The following CPNE3 variants were observed in gnomAD, a reference collection of about 807,000 sequenced individuals.
CPNE3 encodes the protein copine-3.
Under a neutral mutation model 63.9 loss-of-function variants are expected in CPNE3, and 68 were observed. The observed-to-expected ratio is 1.06, with a 90% CI of 0.87 to 1.30. The LOEUF (loss-of-function observed/expected upper bound fraction) is 1.30, where lower values mean the gene tolerates loss of function less well. CPNE3 is among the 50% of genes most tolerant of loss of function. The pLI is 0.00. For missense variants in CPNE3, 665 were observed against 578.1 expected, an observed-to-expected ratio of 1.15 and a Z score of -1.54; for synonymous variants, 219 against 197.5, an observed-to-expected ratio of 1.11 and a Z score of -0.91.
At chr8:86,540,146 C>T (rs897046370) in intron 7 of CPNE3, 99 bp from the exon 8 acceptor site, 38 of 724,012 alleles carry the variant, frequency 5.2e-5, no homozygotes, top group African/African-American at 4.3e-4. Flanking sequence ...AGGTGGAGGA[C>T]GAATGGTGAG....
Position 86,535,320 on chromosome 8 carries a change from CT to C in CPNE3, c.460-2229del, listed in dbSNP as rs59696136. On this transcript the variant is annotated intron_variant, in intron 6 of 16. Transcript: ENST00000517490. ...TTTCAGTGGACAGATACAGAAAAGA[CT>C]TTTTTTTTTTTTTAAGAAAAACTAA... is the stretch of plus-strand genomic sequence containing the variant. 1.3e-3 allele frequency among the ~76,000 whole-genome samples: 182 copies of C among 142,598 alleles called. 2 individuals carry two copies. Among genetic ancestry groups the C allele is most frequent in the Middle Eastern group, 7.1e-3 (2 of 280 alleles). 93.5% of individuals were successfully genotyped at this position (142,598 alleles called of 152,430 possible). A position where few individuals can be genotyped will look rare whatever the true frequency, so the allele number is the denominator to read the frequency against.
intron 2 of CPNE3, among the ~76,000 whole-genome samples, chr8:86,525,626 A>G (rs1820525720): frequency 6.6e-6 from 1 of 152,194 alleles, no homozygotes; most frequent in African/African-American, 2.4e-5. Flanking sequence ...TTGTATAAGC[A>G]TTTTTAGGGA....
At chr8:86,531,286 G>A (rs374191824) in intron 5 of CPNE3, 57 bp downstream of exon 5, 218 of 822,140 alleles carry the variant, frequency 2.7e-4, no homozygotes, top group Non-Finnish European at 3.9e-4. Flanking sequence ...AGGACATGCC[G>A]AAACTGTCCA....
rs2131513154 is a variant in CPNE3, at chr8:86,559,376, C to T, written c.*966C>T. ...TTACTAAAAAAAAATTTTATACTTTCCTTGCTAAGGTCCCATATATTGATT... is the reference window on the plus strand; with the variant it reads ...TTACTAAAAAAAAATTTTATACTTTTCTTGCTAAGGTCCCATATATTGATT... On this transcript the variant is annotated 3_prime_UTR_variant, in exon 17 of 17. Coordinates refer to ENST00000517490, the MANE Select transcript of CPNE3 (RefSeq NM_003909.5). The T allele has an allele frequency of 6.6e-6, 1 of 152,262 alleles. No homozygotes were observed. The highest frequency in any genetic ancestry group is 1.5e-5 in the Non-Finnish European group (1 of 68,002). 9.4% of individuals were successfully genotyped at this position (152,262 alleles called of 1,614,324 possible).
At chr8:86,534,553 G>A (rs1820760206) in intron 6 of CPNE3, among the ~76,000 whole-genome samples, 1 of 152,160 alleles carries the variant, frequency 6.6e-6, no homozygotes, top group African/African-American at 2.4e-5. Flanking sequence ...CTACTTGGGA[G>A]GCTGAGGCAG....
At chr8:86,537,159 C>G (rs773573264) in intron 6 of CPNE3, among the ~76,000 whole-genome samples, 5 of 152,166 alleles carry the variant, frequency 3.3e-5, no homozygotes, top group African/African-American at 1.2e-4. Flanking sequence ...CATTTTCTCA[C>G]TGATAACTGC....
chr8:86,544,852 T>C lies in CPNE3; in HGVS notation c.732+14T>C. Reference sequence around the variant, plus strand: ...AGAAGCTCACCTGTAAGTTACATCCTTGCATTTGCATATACTTTATAGTTT... The same window carrying C: ...AGAAGCTCACCTGTAAGTTACATCCCTGCATTTGCATATACTTTATAGTTT... On this transcript the variant is annotated intron_variant, in intron 9 of 16. Coordinates refer to ENST00000517490, the MANE Select transcript of CPNE3 (RefSeq NM_003909.5). The C allele has an allele frequency of 2.1e-6, 3 of 1,447,636 alleles. No individual in the cohort carries two copies. The highest frequency in any genetic ancestry group is 2.9e-6 in the Non-Finnish European group (3 of 1,049,050). The allele number at this position is 1,447,636 out of a possible 1,614,324, so 89.7% of individuals were successfully genotyped here.
chr8:86,543,763 G>A (rs1820993528), intron 8 of CPNE3, among the ~76,000 whole-genome samples: 1 of 152,102 alleles, frequency 6.6e-6, no homozygotes, highest in Non-Finnish European at 1.5e-5. Flanking sequence ...TAGAGAATGT[G>A]CACAGTGTAC....
chr8:86,559,651 G>C lies in CPNE3; in HGVS notation c.*1241G>C, dbSNP rs567279613. 13 of 151,338 alleles carry C rather than the reference G, an allele frequency of 8.6e-5. No individual in the cohort carries two copies. Among genetic ancestry groups the C allele is most frequent in the African/African-American group, 3.1e-4 (13 of 41,272 alleles). The allele number at this position is 151,338 out of a possible 1,614,324, so 9.4% of individuals were successfully genotyped here. A position where few individuals can be genotyped will look rare whatever the true frequency, so the allele number is the denominator to read the frequency against. ...GATTTTATGTGCTTTTTTTTTTTAAGAGTTGAATTTCTTTTCCTGACTTTT... is the reference window on the plus strand; with the variant it reads ...GATTTTATGTGCTTTTTTTTTTTAACAGTTGAATTTCTTTTCCTGACTTTT... On this transcript the variant is annotated 3_prime_UTR_variant, in exon 17 of 17. Transcript: ENST00000517490.
chr8:86,556,329 G>T lies in CPNE3; in HGVS notation c.1482G>T (p.Gln494His). ...RDIVQFVPFR[Q>H]FQNAPKEALA... ...TTGTCCAGTTTGTGCCTTTCAGACA[G>T]TTCCAGAATGTGAGTACCACTCCTC... is the stretch of plus-strand genomic sequence containing the variant. Residue 494 changes from glutamine (Q) to histidine (H), a missense_variant, in exon 16 of 17, where the codon CAG becomes CAT. By Grantham distance (24) the Gln-to-His change is conservative. Transcript: ENST00000517490. 1 of 873,004 alleles carries T rather than the reference G, an allele frequency of 1.1e-6. No homozygotes were observed. Among genetic ancestry groups the T allele is most frequent in the Non-Finnish European group, 2.0e-6 (1 of 501,692 alleles). 54.1% of individuals were successfully genotyped at this position (873,004 alleles called of 1,614,324 possible). A position where few individuals can be genotyped will look rare whatever the true frequency, so the allele number is the denominator to read the frequency against.
chr8:86,552,203 A>T (rs1821196488), intron 14 of CPNE3, among the ~76,000 whole-genome samples: 1 of 152,252 alleles, frequency 6.6e-6, no homozygotes, highest in Non-Finnish European at 1.5e-5. Flanking sequence ...TAACAGAAGA[A>T]AATGTTTTTT....
At chr8:86,518,178 T>C (rs1178229372) in intron 2 of CPNE3, among the ~76,000 whole-genome samples, 1 of 152,200 alleles carries the variant, frequency 6.6e-6, no homozygotes, top group Non-Finnish European at 1.5e-5. Flanking sequence ...CAATTAAATA[T>C]ACATGCTCCC....
In CPNE3 at chr8:86,532,540, T is replaced by C; in HGVS notation, c.419T>C (p.Val140Ala). The C allele has an allele frequency of 6.2e-7, 1 of 1,612,646 alleles. No homozygotes were observed. Among genetic ancestry groups the C allele is most frequent in the Non-Finnish European group, 8.5e-7 (1 of 1,179,382 alleles). Residue 140 changes from valine to alanine, a missense_variant, in exon 6 of 17, where the codon GTG becomes GCG. Physicochemically the swap from Val to Ala is moderately conservative, Grantham distance 64 (BLOSUM62 0). Transcript: ENST00000517490. ...GCTGAAGAAATAAAAGATAATAGAG[T>C]GGTCTTGTTTGAAATGGAAGCCAGA... is the stretch of plus-strand genomic sequence containing the variant. ...ISAEEIKDNR[V>A]VLFEMEARKL...
intron 12 of CPNE3, 119 bp downstream of exon 12, chr8:86,548,553 A>T: frequency 8.0e-7 from 1 of 1,250,008 alleles, no homozygotes; most frequent in Non-Finnish European, 1.1e-6. Context: ...TTCTCCCTAA[A>T]ATCCCCCCGT....
At chr8:86,523,625 G>A (rs572254150) in intron 2 of CPNE3, among the ~76,000 whole-genome samples, 26 of 152,206 alleles carry the variant, frequency 1.7e-4, no homozygotes, top group Non-Finnish European at 3.1e-4. Flanking sequence ...TCACTCTGTC[G>A]CCCAGGCTGG....
Position 86,551,117 on chromosome 8 carries a change from A to G in CPNE3, c.1068+17A>G, listed in dbSNP as rs1821165842. The G allele has an allele frequency of 2.5e-6, 4 of 1,613,058 alleles. No individual in the cohort carries two copies. The highest frequency in any genetic ancestry group is 2.2e-5 in the East Asian group (1 of 44,872). On this transcript the variant is annotated intron_variant, in intron 13 of 16. Transcript: ENST00000517490. ...CAGTGGCAGGTAAGAGGAAATCTCTATTTTAAAGCTTTGCCTCCTAGAAAA... is the reference window on the plus strand; with the variant it reads ...CAGTGGCAGGTAAGAGGAAATCTCTGTTTTAAAGCTTTGCCTCCTAGAAAA...
chr8:86,548,300 G>T lies in CPNE3; in HGVS notation c.880-1G>T, dbSNP rs142959484. On this transcript the variant is annotated splice_acceptor_variant, in intron 11 of 16. Coordinates refer to ENST00000517490, the MANE Select transcript of CPNE3 (RefSeq NM_003909.5). LOFTEE classifies it high-confidence loss of function. ...TAAGGGCTGCAATTGTTATTTGGCA[G>T]GTGGGAGTGGACTTCACTGGCTCCA... 7 of 1,613,798 alleles carry T rather than the reference G, an allele frequency of 4.3e-6. No homozygotes were observed. The African/African-American group carries it at 8.0e-5, about 18-fold the overall frequency.
chr8:86,523,778 G>T (rs1201670484), intron 2 of CPNE3, among the ~76,000 whole-genome samples: 1 of 152,132 alleles, frequency 6.6e-6, no homozygotes, highest in Non-Finnish European at 1.5e-5. Context: ...TAGAGACAGG[G>T]TTTCACCATG....
At chr8:86,539,795 T>C (rs1218382835) in intron 7 of CPNE3, among the ~76,000 whole-genome samples, 2 of 151,426 alleles carry the variant, frequency 1.3e-5, no homozygotes, top group African/African-American at 4.9e-5. Flanking sequence ...CCTGAGTAGC[T>C]AGGATTATAG....
Sources: gnomAD v4.1 joint callset for allele counts (sites outside exome capture counted in the v4.1 genomes callset) on GRCh38, gnomAD v4.1.1 for gene constraint, MANE v1.5 for transcripts, NCBI Gene and HGNC (gene_info 2026-07-23, HGNC 2026-07-21) for gene names.